Variants in ATG10 observed in about 807,000 individuals in gnomAD.
ATG10 encodes ubiquitin-like-conjugating enzyme ATG10.
Under a neutral mutation model 32.1 loss-of-function variants are expected in ATG10, and 30 were observed. The ratio of observed to expected loss-of-function variants is 0.94; its 90% CI spans 0.70 to 1.27. The LOEUF (loss-of-function observed/expected upper bound fraction) is 1.27, where lower values mean the gene tolerates loss of function less well. Ranked by LOEUF, ATG10 falls within the 50% of genes most tolerant of loss-of-function variation. ATG10 has a pLI of 0.00. For synonymous variants in ATG10, 87 were observed against 91.5 expected (o/e 0.95, Z 0.28); for missense variants, 233 against 262.3 (o/e 0.89, Z 0.77).
At chr5:82,052,025 G>T (rs1204193161) in intron 2 of ATG10, among the ~76,000 whole-genome samples, 1 of 152,114 alleles carries the variant, frequency 6.6e-6, no homozygotes, top group Non-Finnish European at 1.5e-5. Context: ...GGGCTCCACT[G>T]ACCTTGAAGG....
At chr5:81,986,484 C>A (rs532489535) in intron 1 of ATG10, among the ~76,000 whole-genome samples, 2 of 152,198 alleles carry the variant, frequency 1.3e-5, no homozygotes, top group Non-Finnish European at 2.9e-5. Flanking sequence ...TATACCTAAC[C>A]TTTACTTATG....
intron 5 of ATG10, among the ~76,000 whole-genome samples, chr5:82,212,452 T>C (rs1301405600): frequency 1.3e-5 from 2 of 152,192 alleles, no homozygotes; most frequent in Non-Finnish European, 2.9e-5. Context: ...TGAGAAACTT[T>C]CCCTTCAAAG....
intron 3 of ATG10, among the ~76,000 whole-genome samples, chr5:82,096,970 G>GGTTAA (rs1765089170): frequency 6.6e-6 from 1 of 151,980 alleles, no homozygotes; most frequent in Non-Finnish European, 1.5e-5. Flanking sequence ...GTTACCTCAA[G>GGTTAA]GTTAAGGTCA....
chr5:82,131,309 G>A (rs1766510198), intron 3 of ATG10, among the ~76,000 whole-genome samples: 1 of 152,154 alleles, frequency 6.6e-6, no homozygotes, highest in African/African-American at 2.4e-5. Flanking sequence ...CTTCATTCTG[G>A]CATGTTATGT....
chr5:82,048,693 A>G (rs764873122), intron 2 of ATG10, among the ~76,000 whole-genome samples: 2 of 151,980 alleles, frequency 1.3e-5, no homozygotes, highest in Non-Finnish European at 2.9e-5. Flanking sequence ...GACTCAAACA[A>G]ATTTACAAGA....
chr5:82,161,383 G>A (rs1390316704), intron 3 of ATG10, among the ~76,000 whole-genome samples: 1 of 152,042 alleles, frequency 6.6e-6, no homozygotes, highest in Non-Finnish European at 1.5e-5. Context: ...CAAGAAGCTT[G>A]TTCTGTCCCC....
intron 3 of ATG10, among the ~76,000 whole-genome samples, chr5:82,148,798 A>G (rs972481771): frequency 6.6e-6 from 1 of 152,158 alleles, no homozygotes; most frequent in Non-Finnish European, 1.5e-5. Context: ...GTAAAATGCA[A>G]GATATTGACC....
chr5:82,107,817 A>G (rs920381379), intron 3 of ATG10, among the ~76,000 whole-genome samples: 1 of 152,110 alleles, frequency 6.6e-6, no homozygotes, highest in Non-Finnish European at 1.5e-5. Context: ...CAGAAGGATA[A>G]TAAAGGTAGA....
chr5:82,090,270 C>T (rs549077782), intron 3 of ATG10, among the ~76,000 whole-genome samples: 11 of 152,086 alleles, frequency 7.2e-5, no homozygotes, highest in Admixed American at 2.0e-4. Flanking sequence ...CATCTATCCC[C>T]GAGAAATTAA....
At chr5:82,238,474 C>G (rs1746655549) in intron 5 of ATG10, among the ~76,000 whole-genome samples, 1 of 151,916 alleles carries the variant, frequency 6.6e-6, no homozygotes, top group Admixed American at 6.6e-5. Flanking sequence ...AGGTGCAATT[C>G]AAGACTTGTA....
chr5:81,993,360 C>CTTTCCTTCTTTCTTTCTTTTCTTTTCTT, intron 2 of ATG10, among the ~76,000 whole-genome samples: 12 of 46,796 alleles, frequency 2.6e-4, no homozygotes, highest in African/African-American at 7.3e-4. Flanking sequence ...TCTTTCTTTC[C>CTTTCCTTCTTTCTTTCTTTTCTTTTCTT]TTCTTTTCTT....
At chr5:82,010,089 A>G in intron 2 of ATG10, 1 of 1,606,410 alleles carries the variant, frequency 6.2e-7, no homozygotes, top group Non-Finnish European at 8.5e-7. Context: ...GGTGGGGTTG[A>G]CCATGGCTAA....
intron 2 of ATG10, among the ~76,000 whole-genome samples, chr5:82,006,612 T>A (rs191612482): frequency 3.5e-4 from 53 of 152,338 alleles, no homozygotes; most frequent in African/African-American, 1.1e-3. Context: ...TCTAAAGCCA[T>A]GAAATATTGT....
chr5:81,983,088 G>T (rs1761107845), intron 1 of ATG10, among the ~76,000 whole-genome samples: 1 of 152,234 alleles, frequency 6.6e-6, no homozygotes, highest in South Asian at 2.1e-4. Context: ...CAGACGGGGT[G>T]GTGGCCAGGC....
intron 5 of ATG10, among the ~76,000 whole-genome samples, chr5:82,179,539 A>T (rs1744155942): frequency 6.6e-6 from 1 of 152,134 alleles, no homozygotes; most frequent in South Asian, 2.1e-4. Flanking sequence ...GCAAAAGTAG[A>T]TATAAAAAGT....
intron 2 of ATG10, among the ~76,000 whole-genome samples, chr5:82,050,665 C>G (rs1229399708): frequency 6.6e-6 from 1 of 151,668 alleles, no homozygotes; most frequent in Non-Finnish European, 1.5e-5. Flanking sequence ...GTATAATCCT[C>G]TGTCACACTG....
intron 1 of ATG10, among the ~76,000 whole-genome samples, chr5:81,985,919 C>G (rs953169981): frequency 1.2e-4 from 19 of 152,274 alleles, no homozygotes; most frequent in African/African-American, 3.1e-4. Context: ...CCCGCCACCA[C>G]GCCTGGCTAA....
At chr5:82,110,988 G>A (rs1045869513) in intron 3 of ATG10, among the ~76,000 whole-genome samples, 2 of 151,952 alleles carry the variant, frequency 1.3e-5, no homozygotes, top group East Asian at 3.9e-4. Context: ...CTGAAGTTAA[G>A]AAAAGAGATT....
chr5:82,160,412 A>G (rs1318704348), intron 3 of ATG10, among the ~76,000 whole-genome samples: 2 of 152,160 alleles, frequency 1.3e-5, no homozygotes, highest in Non-Finnish European at 2.9e-5. Context: ...CTGTTTAACC[A>G]TGACCTGTTG....
Sources: allele counts gnomAD v4.1 joint callset (sites outside exome capture counted in the v4.1 genomes callset), GRCh38; gene constraint gnomAD v4.1.1; transcripts MANE v1.5; gene names NCBI Gene and HGNC (gene_info 2026-07-23, HGNC 2026-07-21).